Variants in GPC6 observed in about 807,000 individuals in gnomAD.
GPC6 encodes glypican-6.
Under a neutral mutation model 55.2 loss-of-function variants are expected in GPC6, and 14 were observed. The observed-to-expected ratio is 0.25, with a 90% CI of 0.17 to 0.40. The LOEUF is 0.40. Among genes scored for constraint, GPC6 ranks in the 10% least tolerant of loss-of-function variants. The probability of loss-of-function intolerance (pLI) is 1.00; values close to 1 mark genes in which losing one functional copy is unlikely to be tolerated. For missense variants in GPC6, 641 were observed against 708.5 expected, an observed-to-expected ratio of 0.90 and a Z score of 1.08; for synonymous variants, 278 against 259.6, an observed-to-expected ratio of 1.07 and a Z score of -0.68.
intron 6 of GPC6, among the ~76,000 whole-genome samples, chr13:94,321,370 T>C (rs1015488723): frequency 6.6e-6 from 1 of 152,212 alleles, no homozygotes; most frequent in Non-Finnish European, 1.5e-5. Flanking sequence ...TTTGCTGCGA[T>C]GAACATACAT....
intron 3 of GPC6, among the ~76,000 whole-genome samples, chr13:93,913,930 C>T (rs1285515955): frequency 7.0e-6 from 1 of 143,332 alleles, no homozygotes; most frequent in Non-Finnish European, 1.5e-5. Context: ...CTACTTTAAG[C>T]TCCCCACACC....
intron 2 of GPC6, among the ~76,000 whole-genome samples, chr13:93,651,858 T>C (rs1880428618): frequency 6.6e-6 from 1 of 152,080 alleles, no homozygotes; most frequent in Non-Finnish European, 1.5e-5. Flanking sequence ...AACACCGACG[T>C]CCATATTCCA....
intron 1 of GPC6, among the ~76,000 whole-genome samples, chr13:93,436,255 A>G (rs1260476511): frequency 2.0e-5 from 3 of 152,160 alleles, no homozygotes; most frequent in African/African-American, 4.8e-5. Context: ...TGACATTGAA[A>G]TCATCTGCAT....
At chr13:93,362,195 G>A (rs1170315391) in intron 1 of GPC6, among the ~76,000 whole-genome samples, 2 of 152,160 alleles carry the variant, frequency 1.3e-5, no homozygotes, top group Non-Finnish European at 2.9e-5. Context: ...CAAGCTCAGT[G>A]GAAGCACTCA....
At chr13:93,972,941 CTCTG>C (rs1240082557) in intron 3 of GPC6, among the ~76,000 whole-genome samples, 3 of 151,942 alleles carry the variant, frequency 2.0e-5, no homozygotes, top group East Asian at 3.9e-4. Context: ...CTCTCTCTCT[CTCTG>C]TCTTTCTCTC....
intron 1 of GPC6, among the ~76,000 whole-genome samples, chr13:93,348,566 T>C (rs769419516): frequency 1.3e-5 from 2 of 152,166 alleles, no homozygotes; most frequent in Non-Finnish European, 2.9e-5. Context: ...ACATTAGTGT[T>C]GTTCACATGA....
chr13:94,241,887 T>TC (rs1257344300), intron 4 of GPC6, among the ~76,000 whole-genome samples: 1 of 151,218 alleles, frequency 6.6e-6, no homozygotes, highest in East Asian at 1.9e-4. Flanking sequence ...TTCCTGAATT[T>TC]CTTTTTTTTT....
At chr13:94,116,494 A>G (rs1593949031) in intron 4 of GPC6, among the ~76,000 whole-genome samples, 1 of 152,188 alleles carries the variant, frequency 6.6e-6, no homozygotes, top group East Asian at 1.9e-4. Context: ...CACATGCATA[A>G]AAGGTGGGCA....
intron 1 of GPC6, among the ~76,000 whole-genome samples, chr13:93,304,536 C>T (rs1878791471): frequency 6.6e-6 from 1 of 152,200 alleles, no homozygotes; most frequent in African/African-American, 2.4e-5. Context: ...CATATGTAGA[C>T]TTCTACCTGG....
intron 1 of GPC6, among the ~76,000 whole-genome samples, chr13:93,289,988 G>A (rs1387983127): frequency 6.6e-6 from 1 of 152,126 alleles, no homozygotes; most frequent in African/African-American, 2.4e-5. Context: ...ACTTGAACAT[G>A]CACTTAGCAA....
intron 1 of GPC6, among the ~76,000 whole-genome samples, chr13:93,542,323 C>G (rs1299888129): frequency 2.0e-5 from 3 of 152,140 alleles, no homozygotes; most frequent in African/African-American, 7.2e-5. Flanking sequence ...TGTCAAAGAT[C>G]AGATAGTTGT....
At chr13:93,754,644 TCA>T (rs1466086035) in intron 2 of GPC6, among the ~76,000 whole-genome samples, 2 of 151,482 alleles carry the variant, frequency 1.3e-5, no homozygotes, top group Non-Finnish European at 2.9e-5. Context: ...GTAAAACCCA[TCA>T]CAGTGCTAAA....
At chr13:93,332,161 A>G (rs1879872198) in intron 1 of GPC6, among the ~76,000 whole-genome samples, 1 of 152,178 alleles carries the variant, frequency 6.6e-6, no homozygotes, top group African/African-American at 2.4e-5. Flanking sequence ...GTGCAACAAT[A>G]AACATGGGAA....
chr13:93,404,202 ACAAAC>A (rs894186831), intron 1 of GPC6, among the ~76,000 whole-genome samples: 221 of 152,176 alleles, frequency 1.5e-3, no homozygotes, highest in African/African-American at 5.1e-3. Flanking sequence ...AAAAAATAAA[ACAAAC>A]CAACTATAAC....
chr13:93,749,767 G>A (rs1459465763), intron 2 of GPC6, among the ~76,000 whole-genome samples: 1 of 151,962 alleles, frequency 6.6e-6, no homozygotes, highest in Non-Finnish European at 1.5e-5. Context: ...GAAGCCAATA[G>A]CAACCTATAA....
intron 1 of GPC6, among the ~76,000 whole-genome samples, chr13:93,366,230 A>G (rs753921480): frequency 5.9e-5 from 9 of 152,142 alleles, no homozygotes; most frequent in Non-Finnish European, 1.3e-4. Context: ...AAAAACCCCA[A>G]TAAACTTTAC....
chr13:93,642,144 C>T (rs1879976368), intron 2 of GPC6, among the ~76,000 whole-genome samples: 1 of 151,914 alleles, frequency 6.6e-6, no homozygotes, highest in Non-Finnish European at 1.5e-5. Flanking sequence ...TAGCTCTTGC[C>T]TCCCTCCTTC....
chr13:93,995,321 G>A (rs1387059124), intron 3 of GPC6, among the ~76,000 whole-genome samples: 1 of 151,866 alleles, frequency 6.6e-6, no homozygotes, highest in African/African-American at 2.4e-5. Context: ...CCAAGTAGCT[G>A]GGATTGCAGG....
intron 2 of GPC6, among the ~76,000 whole-genome samples, chr13:93,656,901 A>G (rs1373785890): frequency 2.0e-5 from 3 of 152,012 alleles, no homozygotes; most frequent in African/African-American, 7.2e-5. Context: ...AAGTAAGGAG[A>G]TGAATGATTC....
Sources: allele counts gnomAD v4.1 joint callset (sites outside exome capture counted in the v4.1 genomes callset), GRCh38; gene constraint gnomAD v4.1.1; transcripts MANE v1.5; gene names NCBI Gene and HGNC (gene_info 2026-07-23, HGNC 2026-07-21).